Variants in CSTPP1 observed in about 807,000 individuals in gnomAD.
CSTPP1 encodes the protein UPF0705 protein C11orf49.
chr11:47,120,904 G>A, the CSTPP1 span, among the ~76,000 whole-genome samples: 1 of 152,148 alleles, frequency 6.6e-6, no homozygotes, highest in South Asian at 2.1e-4. This position sits in a 1 kb window ranked among gnomAD's most constrained non-coding sequence, Gnocchi z 4.2. Flanking sequence ...ACGCAGAAGA[G>A]TTTTACAGTT....
chr11:47,103,494 G>A, the CSTPP1 span, among the ~76,000 whole-genome samples: 2 of 151,792 alleles, frequency 1.3e-5, no homozygotes, highest in Non-Finnish European at 2.9e-5. Flanking sequence ...TCTTGCTGCT[G>A]GTATTAATAA....
At chr11:47,039,134 T>A in the CSTPP1 span, among the ~76,000 whole-genome samples, 40 of 127,306 alleles carry the variant, frequency 3.1e-4, 1 homozygote, top group African/African-American at 9.4e-4. Flanking sequence ...CTCGGCACTT[T>A]GGGAGGCCAA....
At chr11:47,136,350 CT>C in the CSTPP1 span, among the ~76,000 whole-genome samples, 5 of 152,148 alleles carry the variant, frequency 3.3e-5, no homozygotes, top group Non-Finnish European at 5.9e-5. Context: ...AGAACAAGAC[CT>C]CCTGCCAGGC....
At chr11:47,157,845 T>C in the CSTPP1 span, 1 of 1,614,040 alleles carries the variant, frequency 6.2e-7, no homozygotes, top group African/African-American at 1.3e-5. Flanking sequence ...AAAGAGGCCC[T>C]CAGCAATGTT....
At chr11:47,150,296 G>A in the CSTPP1 span, among the ~76,000 whole-genome samples, 1 of 152,118 alleles carries the variant, frequency 6.6e-6, no homozygotes, top group Admixed American at 6.5e-5. Flanking sequence ...TTTATGAGAG[G>A]GATTAAGAAA....
At chr11:47,103,413 A>AG in the CSTPP1 span, among the ~76,000 whole-genome samples, 1 of 151,680 alleles carries the variant, frequency 6.6e-6, no homozygotes, top group Admixed American at 6.6e-5. Context: ...AAAAAAAAAA[A>AG]ATGTACAGAA....
At chr11:47,120,233 G>A in the CSTPP1 span, among the ~76,000 whole-genome samples, 17 of 152,152 alleles carry the variant, frequency 1.1e-4, no homozygotes, top group South Asian at 8.3e-4. This position sits in a 1 kb window ranked among gnomAD's most constrained non-coding sequence, Gnocchi z 4.2. Context: ...TCTGTATAGG[G>A]AGGCATAGGG....
chr11:47,053,112 G>C, the CSTPP1 span: 1 of 152,564 alleles, frequency 6.6e-6, no homozygotes, highest in African/African-American at 2.4e-5. Flanking sequence ...CTGACTGTTT[G>C]ATCTAAGCTG....
the CSTPP1 span, among the ~76,000 whole-genome samples, chr11:47,139,579 C>G: frequency 6.6e-6 from 1 of 151,478 alleles, no homozygotes; most frequent in Non-Finnish European, 1.5e-5. Context: ...GAGGCTGAGG[C>G]AGGAGAATCA....
chr11:46,950,205 G>A, the CSTPP1 span, among the ~76,000 whole-genome samples: 8 of 145,288 alleles, frequency 5.5e-5, no homozygotes, highest in South Asian at 2.1e-4. Flanking sequence ...ATGGAGTCTC[G>A]CTCTGTCGCC....
chr11:47,090,153 T>G, the CSTPP1 span, among the ~76,000 whole-genome samples: 2 of 152,038 alleles, frequency 1.3e-5, no homozygotes, highest in Non-Finnish European at 2.9e-5. Context: ...AGCTAATTTT[T>G]TGTGTGTTTT....
the CSTPP1 span, among the ~76,000 whole-genome samples, chr11:47,109,747 T>C: frequency 1.3e-5 from 2 of 152,150 alleles, no homozygotes; most frequent in African/African-American, 4.8e-5. Flanking sequence ...GTCCCCACCC[T>C]CCCCCATGGC....
the CSTPP1 span, chr11:46,948,044 C>T: frequency 1.1e-5 from 5 of 456,076 alleles, no homozygotes; most frequent in South Asian, 7.7e-5. Context: ...GAAACAATAA[C>T]ACTTTTGAAT....
chr11:47,141,884 G>C, the CSTPP1 span, among the ~76,000 whole-genome samples: 1 of 123,160 alleles, frequency 8.1e-6, no homozygotes, highest in Admixed American at 1.0e-4. Context: ...AGTGAGCCGA[G>C]ATCATGCTGC....
chr11:46,965,150 A>G, the CSTPP1 span, among the ~76,000 whole-genome samples: 1 of 152,190 alleles, frequency 6.6e-6, no homozygotes, highest in African/African-American at 2.4e-5. Context: ...TTTGAATTTA[A>G]AACAGAAAAT....
the CSTPP1 span, among the ~76,000 whole-genome samples, chr11:47,046,289 A>G: frequency 1.2e-4 from 18 of 151,934 alleles, no homozygotes; most frequent in African/African-American, 4.1e-4. Flanking sequence ...AAAGAAAAAA[A>G]AAAAAAAAAA....
chr11:47,159,698 T>A, the CSTPP1 span: 2 of 455,936 alleles, frequency 4.4e-6, no homozygotes, highest in Non-Finnish European at 8.8e-6. Context: ...CATCCCCCTT[T>A]TCTAAGGGCC....
chr11:47,015,023 G>A, the CSTPP1 span, among the ~76,000 whole-genome samples: 1 of 152,128 alleles, frequency 6.6e-6, no homozygotes, highest in Non-Finnish European at 1.5e-5. Context: ...TCAGGAACGA[G>A]AGAGATACAT....
the CSTPP1 span, among the ~76,000 whole-genome samples, chr11:47,075,614 G>T: frequency 6.6e-6 from 1 of 151,836 alleles, no homozygotes; most frequent in Non-Finnish European, 1.5e-5. Context: ...AATTGGAGGT[G>T]GGTTCAAGAA....
Sources: gnomAD v4.1 joint callset for allele counts (sites outside exome capture counted in the v4.1 genomes callset) on GRCh38, gnomAD v4.1.1 for gene constraint, Gnocchi (gnomAD v3.1) non-coding constraint, MANE v1.5 for transcripts, NCBI Gene and HGNC (gene_info 2026-07-23, HGNC 2026-07-21) for gene names.